The following UBE2QL1 variants were observed in gnomAD, a reference collection of about 807,000 sequenced individuals.
UBE2QL1 encodes ubiquitin-conjugating enzyme E2Q-like protein 1.
UBE2QL1 carries 5 observed loss-of-function variants against 12.6 expected under a neutral mutation model. That is an observed-to-expected ratio of 0.40 (90% confidence interval 0.21 to 0.83). The LOEUF is 0.83. Ranked by LOEUF, UBE2QL1 falls within the 40% of genes least tolerant of loss-of-function variation. UBE2QL1 has a pLI of 0.37. For missense variants in UBE2QL1, 99 were observed against 222.6 expected (o/e 0.44, Z 3.53); for synonymous variants, 96 against 94.5 (o/e 1.02, Z -0.10).
Position 6,476,586 on chromosome 5 carries a change from A to G in UBE2QL1, c.355-14632A>G, listed in dbSNP as rs1014100368. 2.0e-5 allele frequency among the ~76,000 whole-genome samples: 3 copies of G among 152,156 alleles called. No individual in the cohort carries two copies. The highest frequency in any genetic ancestry group is 2.9e-5 in the Non-Finnish European group (2 of 68,022). Reference sequence around the variant, plus strand: ...CACATGCGGCACCCCTCAGGTGTACACTATTTTACCTGCTCCTAAGCTTAC... The same window carrying G: ...CACATGCGGCACCCCTCAGGTGTACGCTATTTTACCTGCTCCTAAGCTTAC... On this transcript the variant is annotated intron_variant, in intron 1 of 1. Transcript: ENST00000399816. The surrounding 1 kb of genome is among the most constrained non-coding windows in gnomAD (Gnocchi z 4.9).
At chr5:6,461,980 C>T (rs1579290105) in intron 1 of UBE2QL1, among the ~76,000 whole-genome samples, 2 of 152,300 alleles carry the variant, frequency 1.3e-5, no homozygotes, top group Non-Finnish European at 2.9e-5. Context: ...GTGAACACAG[C>T]AGGCTTTGCA....
At chr5:6,470,002 G>T (rs1487838607) in intron 1 of UBE2QL1, among the ~76,000 whole-genome samples, 2 of 152,208 alleles carry the variant, frequency 1.3e-5, no homozygotes, top group African/African-American at 2.4e-5. Flanking sequence ...GGTCTGTGGC[G>T]ATTATAAGAC....
intron 1 of UBE2QL1, among the ~76,000 whole-genome samples, chr5:6,456,714 A>G (rs1169909502): frequency 6.6e-6 from 1 of 152,108 alleles, no homozygotes; most frequent in Non-Finnish European, 1.5e-5. Flanking sequence ...CTGGCCTGCT[A>G]ATCCCACAAG....
rs948293081 is a variant in UBE2QL1 at position 6,494,025 on chromosome 5, A to C, written c.*2676A>C. On this transcript the variant is annotated 3_prime_UTR_variant, in exon 2 of 2. Transcript: ENST00000399816. Reference sequence around the variant, plus strand: ...AATCAGACAGTGGGTGCAAATGTTCATGTCCCGATAGCTCCACACACCCAT... The same window carrying C: ...AATCAGACAGTGGGTGCAAATGTTCCTGTCCCGATAGCTCCACACACCCAT... 1 of 152,206 alleles carries C rather than the reference A, an allele frequency of 6.6e-6. No homozygotes were observed. The highest frequency in any genetic ancestry group is 1.5e-5 in the Non-Finnish European group (1 of 68,054). 9.4% of individuals were successfully genotyped at this position (152,206 alleles called of 1,614,324 possible). A position where few individuals can be genotyped will look rare whatever the true frequency, so the allele number is the denominator to read the frequency against.
intron 1 of UBE2QL1, among the ~76,000 whole-genome samples, chr5:6,466,630 A>G (rs990302032): frequency 3.9e-5 from 6 of 152,232 alleles, no homozygotes; most frequent in Non-Finnish European, 7.3e-5. Flanking sequence ...ACCATCAGAG[A>G]AAGACGAAGG....
intron 1 of UBE2QL1, among the ~76,000 whole-genome samples, chr5:6,454,182 A>G (rs824623): frequency 0.98 from 149,089 of 152,268 alleles, 73,056 homozygotes; most frequent in Middle Eastern, 1. Context: ...TCACCCAGCC[A>G]TACAACACAC....
intron 1 of UBE2QL1, among the ~76,000 whole-genome samples, chr5:6,461,967 A>C (rs1274589786): frequency 6.6e-6 from 1 of 152,184 alleles, no homozygotes; most frequent in Non-Finnish European, 1.5e-5. Context: ...CTTTGTTGGA[A>C]AGGTGAACAC....
intron 1 of UBE2QL1, among the ~76,000 whole-genome samples, chr5:6,471,618 G>C (rs1739914087): frequency 6.6e-6 from 1 of 152,186 alleles, no homozygotes; most frequent in African/African-American, 2.4e-5. Flanking sequence ...CTTACTCTCA[G>C]AAGTGACTTT....
intron 1 of UBE2QL1, among the ~76,000 whole-genome samples, chr5:6,455,024 T>G (rs1739490367): frequency 6.6e-6 from 1 of 152,094 alleles, no homozygotes; most frequent in African/African-American, 2.4e-5. Context: ...CCGGGGTGCA[T>G]GGGGCAGCTC....
chr5:6,469,562 G>A (rs1739865007), intron 1 of UBE2QL1, among the ~76,000 whole-genome samples: 1 of 91,284 alleles, frequency 1.1e-5, no homozygotes, highest in Non-Finnish European at 2.7e-5. Flanking sequence ...TATAATCTAA[G>A]TGTGTGTGTG....
At chr5:6,471,531 TG>T (rs1739912376) in intron 1 of UBE2QL1, among the ~76,000 whole-genome samples, 2 of 152,242 alleles carry the variant, frequency 1.3e-5, no homozygotes, top group South Asian at 4.1e-4. Context: ...GCTCACAGCA[TG>T]GCAGCTGGCC....
chr5:6,484,824 T>C (rs941250143), intron 1 of UBE2QL1, among the ~76,000 whole-genome samples: 62 of 151,860 alleles, frequency 4.1e-4, no homozygotes, highest in African/African-American at 1.5e-3. Context: ...GGTCGGGTTC[T>C]GACAGATTCG....
intron 1 of UBE2QL1, among the ~76,000 whole-genome samples, chr5:6,457,790 A>T (rs1461577061): frequency 6.6e-6 from 1 of 152,206 alleles, no homozygotes; most frequent in Non-Finnish European, 1.5e-5. Context: ...GTTGGCAAGT[A>T]CCACGTGTAG....
intron 1 of UBE2QL1, among the ~76,000 whole-genome samples, chr5:6,484,479 T>A (rs1734427370): frequency 6.6e-6 from 1 of 152,172 alleles, no homozygotes; most frequent in South Asian, 2.1e-4. Flanking sequence ...AACCCAGCTC[T>A]TCTATAGCCC....
In UBE2QL1 at chr5:6,479,003, G is replaced by A. The variant is rs1038075407; in HGVS notation, c.355-12215G>A. Among the ~76,000 whole-genome samples, 1 of 152,188 alleles carries A rather than the reference G, an allele frequency of 6.6e-6. No individual in the cohort carries two copies. The highest frequency in any genetic ancestry group is 1.5e-5 in the Non-Finnish European group (1 of 68,038). ...GAAGGCCAGGCCTCATGACAGAGCT[G>A]CCTGCCCTGGGGGCGTCCCTTCTAT... On this transcript the variant is annotated intron_variant, in intron 1 of 1. Transcript: ENST00000399816. This position sits in a 1 kb window ranked among gnomAD's most constrained non-coding sequence, Gnocchi z 4.2.
intron 1 of UBE2QL1, among the ~76,000 whole-genome samples, chr5:6,462,947 A>G (rs1739706610): frequency 6.6e-6 from 1 of 152,264 alleles, no homozygotes; most frequent in African/African-American, 2.4e-5. Flanking sequence ...GCACAGTTGG[A>G]GTGAACGATA....
At position 6,492,542 on chromosome 5, in the gene UBE2QL1, C is replaced by A. The variant is rs1021943691; in HGVS notation, c.*1193C>A. ...GAGGAAAGAAGTAAAAATGTTCATT[C>A]CAAGTGGCAAGTCTTATTGGACACA... On this transcript the variant is annotated 3_prime_UTR_variant, in exon 2 of 2. Transcript: ENST00000399816. 6.6e-6 allele frequency: 1 copy of A among 152,194 alleles called. No individual in the cohort carries two copies. The highest frequency in any genetic ancestry group is 2.4e-5 in the African/African-American group (1 of 41,436). The allele number at this position is 152,194 out of a possible 1,614,324, so 9.4% of individuals were successfully genotyped here.
intron 1 of UBE2QL1, among the ~76,000 whole-genome samples, chr5:6,473,390 C>G (rs1259796029): frequency 2.6e-5 from 4 of 152,188 alleles, no homozygotes; most frequent in Non-Finnish European, 5.9e-5. Flanking sequence ...CCTCCAAATT[C>G]ACAGCAGCAG....
intron 1 of UBE2QL1, among the ~76,000 whole-genome samples, chr5:6,483,728 G>C (rs1290028260): frequency 6.6e-6 from 1 of 152,194 alleles, no homozygotes; most frequent in African/African-American, 2.4e-5. Context: ...CAAAGTGGGA[G>C]CAGGGCCATG....
Sources: gnomAD v4.1 joint callset for allele counts (sites outside exome capture counted in the v4.1 genomes callset) on GRCh38, gnomAD v4.1.1 for gene constraint, Gnocchi (gnomAD v3.1) non-coding constraint, MANE v1.5 for transcripts, NCBI Gene and HGNC (gene_info 2026-07-23, HGNC 2026-07-21) for gene names.